The following PTBP2 variants were observed in gnomAD, a reference collection of about 807,000 sequenced individuals.
The protein encoded by PTBP2 is polypyrimidine tract binding protein 2.
In PTBP2, 13 loss-of-function variants were observed where a neutral mutation model predicts 61.4. That is an observed-to-expected ratio of 0.21 (90% confidence interval 0.14 to 0.34). PTBP2 has a LOEUF of 0.34. PTBP2 is among the 10% of genes least tolerant of loss of function. The pLI is 1.00. For synonymous variants in PTBP2, 215 were observed against 218.5 expected (o/e 0.98, Z 0.14); for missense variants, 405 against 642.6 (o/e 0.63, Z 4.00).
rs543829482 is a variant in PTBP2, at chr1:96,808,934, C to T, written c.1171+1976C>T. On this transcript the variant is annotated intron_variant, in intron 11 of 13. Coordinates refer to ENST00000674951, the MANE Select transcript of PTBP2 (RefSeq NM_021190.4). ...TTAGCTATATACTTTTTACAAGAGA[C>T]ATGTAAAGCAGAAGAATATGAAAGA... is the stretch of plus-strand genomic sequence containing the variant. Among the ~76,000 whole-genome samples the T allele has an allele frequency of 5.3e-5, 8 of 151,790 alleles. No homozygotes were observed. The South Asian group carries it at 6.2e-4, about 12-fold the overall frequency.
At chr1:96,724,666 G>A (rs1650130703) in intron 2 of PTBP2, among the ~76,000 whole-genome samples, 1 of 134,918 alleles carries the variant, frequency 7.4e-6, no homozygotes, top group African/African-American at 2.8e-5. Context: ...TCTTAAAATT[G>A]TATCCATAAT....
intron 3 of PTBP2, among the ~76,000 whole-genome samples, chr1:96,768,306 T>A (rs1337019350): frequency 2.0e-5 from 3 of 151,970 alleles, no homozygotes; most frequent in Non-Finnish European, 2.9e-5. Flanking sequence ...ACCCAGTAAA[T>A]GTTTAAGGAA....
At chr1:96,800,048 G>T (rs1282061246) in intron 8 of PTBP2, among the ~76,000 whole-genome samples, 1 of 152,162 alleles carries the variant, frequency 6.6e-6, no homozygotes, top group African/African-American at 2.4e-5. Context: ...TAATGAAAGA[G>T]AAATACATAC....
At chr1:96,787,492 G>C (rs1372991793) in intron 8 of PTBP2, among the ~76,000 whole-genome samples, 1 of 152,136 alleles carries the variant, frequency 6.6e-6, no homozygotes, top group Non-Finnish European at 1.5e-5. Context: ...AGGAAAAAGT[G>C]TTTAGCCTTT....
intron 3 of PTBP2, among the ~76,000 whole-genome samples, chr1:96,761,739 T>C (rs1163066275): frequency 6.6e-6 from 1 of 151,816 alleles, no homozygotes; most frequent in East Asian, 1.9e-4. Flanking sequence ...TTTTTGTTTG[T>C]TTTTTGTTTT....
intron 7 of PTBP2, among the ~76,000 whole-genome samples, chr1:96,783,703 T>C (rs978833972): frequency 3.3e-5 from 5 of 152,228 alleles, no homozygotes; most frequent in African/African-American, 1.2e-4. Context: ...TATCTCACAT[T>C]TTCCCTATAG....
intron 2 of PTBP2, among the ~76,000 whole-genome samples, chr1:96,738,933 T>C (rs1652603915): frequency 6.6e-6 from 1 of 152,218 alleles, no homozygotes; most frequent in East Asian, 1.9e-4. Flanking sequence ...ATTATTTAAA[T>C]AGTAGAAATA....
intron 3 of PTBP2, among the ~76,000 whole-genome samples, chr1:96,765,887 C>A (rs907680085): frequency 1.3e-5 from 2 of 152,010 alleles, no homozygotes; most frequent in African/African-American, 2.4e-5. Flanking sequence ...TCAAATGAGT[C>A]GGGAAATTAG....
chr1:96,781,310 C>T (rs574234925), intron 7 of PTBP2, among the ~76,000 whole-genome samples: 2 of 152,008 alleles, frequency 1.3e-5, no homozygotes, highest in Non-Finnish European at 1.5e-5. Flanking sequence ...ATCATCTCAA[C>T]GTCAAGTCAT....
intron 8 of PTBP2, among the ~76,000 whole-genome samples, chr1:96,786,844 T>C (rs1659263612): frequency 6.6e-6 from 1 of 152,226 alleles, no homozygotes; most frequent in East Asian, 1.9e-4. Context: ...TGGACTACAA[T>C]AATCACTTCT....
At chr1:96,762,631 C>A (rs1238443864) in intron 3 of PTBP2, among the ~76,000 whole-genome samples, 10 of 148,756 alleles carry the variant, frequency 6.7e-5, no homozygotes, top group African/African-American at 2.5e-4. Flanking sequence ...GGCAGAGGCG[C>A]CCCTCACCTC....
intron 3 of PTBP2, among the ~76,000 whole-genome samples, chr1:96,752,502 A>G (rs1480072953): frequency 6.6e-6 from 1 of 152,126 alleles, no homozygotes; most frequent in East Asian, 1.9e-4. Context: ...GATAATAGTC[A>G]TGATGTGAAG....
intron 3 of PTBP2, among the ~76,000 whole-genome samples, chr1:96,757,426 T>C (rs910668412): frequency 6.6e-6 from 1 of 152,108 alleles, no homozygotes; most frequent in African/African-American, 2.4e-5. Flanking sequence ...ATGCCAATAA[T>C]AACAAATCAA....
chr1:96,782,700 T>G (rs1382814957), intron 7 of PTBP2, among the ~76,000 whole-genome samples: 4 of 151,986 alleles, frequency 2.6e-5, no homozygotes, highest in Non-Finnish European at 4.4e-5. Context: ...TTTAAAGAAT[T>G]TGGAAGTTAA....
intron 8 of PTBP2, among the ~76,000 whole-genome samples, chr1:96,799,187 T>G (rs1332882150): frequency 2.0e-5 from 3 of 152,094 alleles, no homozygotes; most frequent in South Asian, 4.1e-4. Context: ...GAGGGCCATT[T>G]CACATGAAAA....
At chr1:96,779,122 G>A (rs1015015261) in intron 7 of PTBP2, among the ~76,000 whole-genome samples, 2 of 151,984 alleles carry the variant, frequency 1.3e-5, no homozygotes, top group African/African-American at 4.8e-5. Context: ...ACTGGTTCTC[G>A]GGTATAATCT....
chr1:96,781,766 G>A (rs1426669905), intron 7 of PTBP2, among the ~76,000 whole-genome samples: 1 of 151,876 alleles, frequency 6.6e-6, no homozygotes, highest in African/African-American at 2.4e-5. Context: ...GCTTTCTGCT[G>A]TATTTATTAA....
chr1:96,728,150 C>T (rs1263311909), intron 2 of PTBP2, among the ~76,000 whole-genome samples: 1 of 152,074 alleles, frequency 6.6e-6, no homozygotes, highest in Non-Finnish European at 1.5e-5. Flanking sequence ...CCATGCCCAG[C>T]TAACTTTTAA....
downstream of PTBP2, chr1:96,815,686 ATACTT>A (rs1355406114): frequency 6.6e-6 from 1 of 152,208 alleles, no homozygotes; most frequent in African/African-American, 2.4e-5. Flanking sequence ...ATGTTTTACT[ATACTT>A]AATGTAGTAA....
Sources: gnomAD v4.1 joint callset for allele counts (sites outside exome capture counted in the v4.1 genomes callset) on GRCh38, gnomAD v4.1.1 for gene constraint, MANE v1.5 for transcripts, NCBI Gene and HGNC (gene_info 2026-07-23, HGNC 2026-07-21) for gene names.